The following SLC24A4 variants were observed in gnomAD, a reference collection of about 807,000 sequenced individuals.
The protein encoded by SLC24A4 is sodium/potassium/calcium exchanger 4.
Under a neutral mutation model 79.0 loss-of-function variants are expected in SLC24A4, and 53 were observed. That is an observed-to-expected ratio of 0.67 (90% confidence interval 0.54 to 0.84). SLC24A4 has a LOEUF of 0.84. Ranked by LOEUF, SLC24A4 falls within the 40% of genes least tolerant of loss-of-function variation. The pLI is 0.00. For missense variants in SLC24A4, 731 were observed against 822.0 expected, an observed-to-expected ratio of 0.89 and a Z score of 1.35; for synonymous variants, 323 against 323.8, an observed-to-expected ratio of 1.00 and a Z score of 0.03.
At chr14:92,399,998 TC>T (rs1470434405) in intron 2 of SLC24A4, among the ~76,000 whole-genome samples, 1 of 152,024 alleles carries the variant, frequency 6.6e-6, no homozygotes, top group African/African-American at 2.4e-5. Flanking sequence ...CAGGCAATCC[TC>T]CCACCTCAGC....
intron 12 of SLC24A4, among the ~76,000 whole-genome samples, chr14:92,474,865 T>TATATATATATATATATA (rs1566795878): frequency 6.5e-5 from 2 of 30,946 alleles, no homozygotes; most frequent in East Asian, 4.4e-3. Flanking sequence ...ATATATATAT[T>TATATATATATATATATA]TTTTTTTTTT....
intron 2 of SLC24A4, among the ~76,000 whole-genome samples, chr14:92,372,911 TCCTTCC>T (rs1888257446): frequency 8.5e-6 from 1 of 117,432 alleles, no homozygotes; most frequent in African/African-American, 3.3e-5. Flanking sequence ...CTTCCTTCCT[TCCTTCC>T]TTTCTTTCTC....
chr14:92,427,930 G>A (rs140243319), intron 2 of SLC24A4, among the ~76,000 whole-genome samples: 148 of 152,264 alleles, frequency 9.7e-4, no homozygotes, highest in African/African-American at 3.2e-3. Context: ...GAGCTACCTG[G>A]TCCCTTCCAC....
chr14:92,488,465 C>A (rs1238121551), intron 14 of SLC24A4, among the ~76,000 whole-genome samples: 1 of 148,182 alleles, frequency 6.7e-6, no homozygotes, highest in African/African-American at 2.5e-5. Flanking sequence ...TCCTCAGAGA[C>A]CCTATTTCCA....
Position 92,459,696 on chromosome 14 carries a change from CT to C in SLC24A4, c.1255+3091del, listed in dbSNP as rs534955613. 3.2e-4 allele frequency among the ~76,000 whole-genome samples: 48 copies of C among 152,328 alleles called. 2 individuals are homozygous for C. The East Asian group carries it at 8.9e-3, about 28-fold the overall frequency. On this transcript the variant is annotated intron_variant, in intron 12 of 16. Transcript: ENST00000532405. ...AATGGCTTCCTTTTCTTCTTCCTCC[CT>C]TTCCCCTGTGAGGAGCAGGCGGTGG...
chr14:92,454,269 C>G (rs571090010), intron 11 of SLC24A4, among the ~76,000 whole-genome samples, 200 bp downstream of exon 11: 4 of 152,220 alleles, frequency 2.6e-5, no homozygotes, highest in African/African-American at 4.8e-5. Flanking sequence ...AATCGAATAC[C>G]TTGCCTGAGA....
At chr14:92,476,019 G>T (rs572469123) in intron 12 of SLC24A4, among the ~76,000 whole-genome samples, 1 of 152,172 alleles carries the variant, frequency 6.6e-6, no homozygotes, top group Non-Finnish European at 1.5e-5. Context: ...GGGGGTGGAT[G>T]TTGAAACCGG....
At chr14:92,459,887 C>T (rs1271872969) in intron 12 of SLC24A4, among the ~76,000 whole-genome samples, 1 of 152,138 alleles carries the variant, frequency 6.6e-6, no homozygotes, top group Admixed American at 6.5e-5. Context: ...CCACCCACCT[C>T]ACCCCACCCA....
intron 2 of SLC24A4, among the ~76,000 whole-genome samples, chr14:92,328,391 C>T (rs1885273130): frequency 2.0e-5 from 3 of 152,182 alleles, no homozygotes; most frequent in African/African-American, 7.2e-5. Context: ...GGGACTCCAG[C>T]GGCTCCCCAG....
chr14:92,492,590 G>A lies in SLC24A4; in HGVS notation c.1716+350G>A, dbSNP rs538416888. On this transcript the variant is annotated intron_variant, in intron 16 of 16. Transcript: ENST00000532405. ...ATGACATCCCTCAGGATGGCACGTC[G>A]GAATAATTGAGGCCTCCCTACCCTA... Among the ~76,000 whole-genome samples, 86 of 152,250 alleles carry A rather than the reference G, an allele frequency of 5.6e-4. 1 individual carries two copies. In the South Asian group the frequency reaches 0.017, roughly 29 times the overall value.
intron 2 of SLC24A4, among the ~76,000 whole-genome samples, chr14:92,327,862 T>C (rs1270987711): frequency 6.6e-6 from 1 of 152,208 alleles, no homozygotes; most frequent in Non-Finnish European, 1.5e-5. Context: ...CTTGATAATA[T>C]CTTTAAAAAT....
chr14:92,355,582 C>T (rs1464561555), intron 2 of SLC24A4, among the ~76,000 whole-genome samples: 1 of 152,170 alleles, frequency 6.6e-6, no homozygotes, highest in Admixed American at 6.5e-5. Flanking sequence ...TTTGAAATAC[C>T]TCTTTGCCTA....
Position 92,323,773 on chromosome 14 carries a change from C to A in SLC24A4, c.-58C>A. On this transcript the variant is annotated 5_prime_UTR_variant, in exon 1 of 17. Coordinates refer to ENST00000532405, the MANE Select transcript of SLC24A4 (RefSeq NM_153646.4). The surrounding 1 kb of genome is among the most constrained non-coding windows in gnomAD (Gnocchi z 4.9). ...CCCAGCGCCGCTCGGCCACTGATTG[C>A]ACTCTGGCCGCTGAAGCTCCCCATC... The A allele has an allele frequency of 6.6e-7, 1 of 1,516,054 alleles. No individual in the cohort carries two copies. The highest frequency in any genetic ancestry group is 8.8e-7 in the Non-Finnish European group (1 of 1,136,758). The allele number at this position is 1,516,054 out of a possible 1,614,324, so 93.9% of individuals were successfully genotyped here. A position where few individuals can be genotyped will look rare whatever the true frequency, so the allele number is the denominator to read the frequency against.
In SLC24A4 at chr14:92,382,448, C is replaced by T. The variant is rs868451464; in HGVS notation, c.242-51464C>T. Among the ~76,000 whole-genome samples the T allele has an allele frequency of 4.6e-5, 7 of 152,220 alleles. No homozygotes were observed. In the East Asian group the frequency reaches 5.8e-4, roughly 13 times the overall value. Reference sequence around the variant, plus strand: ...CTGTGAGGATTAAATGTGTTTAGTACGCGTAAGGCTGTTAGAACAGTGCCT... The same window carrying T: ...CTGTGAGGATTAAATGTGTTTAGTATGCGTAAGGCTGTTAGAACAGTGCCT... On this transcript the variant is annotated intron_variant, in intron 2 of 16. Transcript: ENST00000532405.
At chr14:92,343,593 T>TTTCTTTCC (rs1220291070) in intron 2 of SLC24A4, among the ~76,000 whole-genome samples, 420 of 118,506 alleles carry the variant, frequency 3.5e-3, no homozygotes, top group African/African-American at 0.012. Context: ...TCTTTCTTTC[T>TTTCTTTCC]TTCTTTCTTT....
chr14:92,439,795 G>A (rs61977289), intron 4 of SLC24A4, among the ~76,000 whole-genome samples: 7,219 of 152,248 alleles, frequency 0.047, 209 homozygotes, highest in Middle Eastern at 0.12. Context: ...CCCCCACCCC[G>A]CCAGGGGGAC....
intron 12 of SLC24A4, among the ~76,000 whole-genome samples, chr14:92,458,753 C>A (rs1159435770): frequency 1.3e-5 from 2 of 152,204 alleles, no homozygotes; most frequent in South Asian, 4.1e-4. Context: ...TATCGCACCC[C>A]CAGCTCACTT....
At chr14:92,347,077 A>G (rs1027084321) in intron 2 of SLC24A4, among the ~76,000 whole-genome samples, 2 of 152,210 alleles carry the variant, frequency 1.3e-5, no homozygotes, top group African/African-American at 2.4e-5. Flanking sequence ...AAAAAGTGTC[A>G]TAAAACATAG....
At chr14:92,343,609 TTTC>T (rs1431029976) in intron 2 of SLC24A4, among the ~76,000 whole-genome samples, 2 of 145,942 alleles carry the variant, frequency 1.4e-5, no homozygotes, top group African/African-American at 5.1e-5. Flanking sequence ...TCTTTCTTTC[TTTC>T]TTTCTTTCTT....
Sources: allele counts gnomAD v4.1 joint callset (sites outside exome capture counted in the v4.1 genomes callset), GRCh38; gene constraint gnomAD v4.1.1; non-coding constraint Gnocchi (gnomAD v3.1); transcripts MANE v1.5; gene names NCBI Gene and HGNC (gene_info 2026-07-23, HGNC 2026-07-21).